FER1L6: variants seen among roughly 807,000 people sequenced by gnomAD.
The protein encoded by FER1L6 is fer-1 like family member 6.
FER1L6 carries 177 observed loss-of-function variants against 219.2 expected under a neutral mutation model. The ratio of observed to expected loss-of-function variants is 0.81; its 90% CI spans 0.71 to 0.91. The LOEUF is 0.91. Ranked by LOEUF, FER1L6 falls within the 40% of genes least tolerant of loss-of-function variation. The pLI, the probability that FER1L6 is intolerant of heterozygous loss-of-function variation, is 0.00. For synonymous variants in FER1L6, 768 were observed against 824.3 expected, an observed-to-expected ratio of 0.93 and a Z score of 1.17; for missense variants, 2,153 against 2,259.9, an observed-to-expected ratio of 0.95 and a Z score of 0.96.
At chr8:124,045,939 T>TA (rs1563763571) in intron 21 of FER1L6, 38 bp downstream of exon 21, 4 of 1,603,462 alleles carry the variant, frequency 2.5e-6, no homozygotes, top group East Asian at 4.5e-5. Context: ...CCACACCTCA[T>TA]AAAAAATGCC....
intron 33 of FER1L6, among the ~76,000 whole-genome samples, chr8:124,086,531 C>T (rs1821792146): frequency 6.7e-6 from 1 of 150,006 alleles, no homozygotes; most frequent in Non-Finnish European, 1.5e-5. Flanking sequence ...GTTGTTTCTA[C>T]TTATATCTTA....
At chr8:124,066,940 A>G (rs1256321843) in intron 27 of FER1L6, among the ~76,000 whole-genome samples, 2 of 152,302 alleles carry the variant, frequency 1.3e-5, no homozygotes, top group Admixed American at 1.3e-4. Flanking sequence ...CCAAGTCTTC[A>G]GCAGGATTCT....
At chr8:123,879,125 C>T (rs142862576) in intron 1 of FER1L6, among the ~76,000 whole-genome samples, 1 of 152,264 alleles carries the variant, frequency 6.6e-6, no homozygotes, top group African/African-American at 2.4e-5. Context: ...CAGCAAGGCT[C>T]CATCTCTACA....
At chr8:124,006,699 A>C (rs1194476205) in intron 13 of FER1L6, among the ~76,000 whole-genome samples, 1 of 151,712 alleles carries the variant, frequency 6.6e-6, no homozygotes, top group African/African-American at 2.4e-5. Context: ...TCATGTGATG[A>C]CCCAAAGTCA....
chr8:123,956,791 G>A (rs1348521397), intron 2 of FER1L6, among the ~76,000 whole-genome samples: 3 of 152,182 alleles, frequency 2.0e-5, no homozygotes, highest in African/African-American at 7.2e-5. Context: ...AGCATGGGAG[G>A]TACACAGCCA....
At chr8:124,043,279 A>G (rs1819584459) in intron 20 of FER1L6, among the ~76,000 whole-genome samples, 8 of 152,200 alleles carry the variant, frequency 5.3e-5, no homozygotes, top group Admixed American at 4.6e-4. Context: ...TTAAATGAGG[A>G]AAACTAAGGT....
intron 37 of FER1L6, among the ~76,000 whole-genome samples, chr8:124,100,379 A>T (rs1226765191): frequency 6.6e-6 from 1 of 152,186 alleles, no homozygotes; most frequent in Non-Finnish European, 1.5e-5. Context: ...TTTAGGCATC[A>T]TCTCATGTGA....
intron 39 of FER1L6, among the ~76,000 whole-genome samples, chr8:124,104,732 T>C (rs535940763): frequency 6.6e-6 from 1 of 152,360 alleles, no homozygotes; most frequent in South Asian, 2.1e-4. Flanking sequence ...TTTAGATGCA[T>C]GATCATATAA....
Position 124,070,515 on chromosome 8 carries a change from G to T in FER1L6, c.3883G>T (p.Val1295Leu). ...ESEFNNFEDW[V>L]KTFELFRGKS... ...TGAATTCAACAATTTTGAAGACTGG[G>T]TGAAAACTTTTGAGCTCTTCAGAGG... is the stretch of plus-strand genomic sequence containing the variant. The change falls in exon 30 of 41, where the codon GTG (valine) becomes TTG (leucine). Residue 1295 changes from valine (V) to leucine (L), a missense_variant. Coordinates refer to ENST00000522917, the MANE Select transcript of FER1L6 (RefSeq NM_001039112.2). The T allele has an allele frequency of 6.2e-7, 1 of 1,613,744 alleles. No homozygotes were observed. Among genetic ancestry groups the T allele is most frequent in the Non-Finnish European group, 8.5e-7 (1 of 1,179,780 alleles).
intron 1 of FER1L6, among the ~76,000 whole-genome samples, chr8:123,926,258 T>C (rs1813557875): frequency 6.6e-6 from 1 of 152,068 alleles, no homozygotes; most frequent in African/African-American, 2.4e-5. Context: ...ATATTGAGTG[T>C]TCTTTGCATG....
rs371507495 is a variant in FER1L6, at chr8:123,915,969, C to T, written c.-7-40023C>T. On this transcript the variant is annotated intron_variant, in intron 1 of 40. Coordinates refer to ENST00000522917, the MANE Select transcript of FER1L6 (RefSeq NM_001039112.2). ...AAGTTCAGTAAAGTATACCCTATGT[C>T]CATTTTGCATATTTTGCTGGTAAAT... is the stretch of plus-strand genomic sequence containing the variant. 6.6e-5 allele frequency among the ~76,000 whole-genome samples: 10 copies of T among 152,240 alleles called. No individual in the cohort carries two copies. In the South Asian group the frequency reaches 1.0e-3, roughly 16 times the overall value.
intron 1 of FER1L6, among the ~76,000 whole-genome samples, chr8:123,923,789 T>C (rs770443372): frequency 1.3e-5 from 2 of 151,930 alleles, no homozygotes; most frequent in Non-Finnish European, 2.9e-5. Context: ...ATACAAAAAT[T>C]AGCTGGGCAT....
intron 1 of FER1L6, among the ~76,000 whole-genome samples, chr8:123,934,000 A>G (rs576557936): frequency 3.3e-5 from 5 of 152,308 alleles, no homozygotes; most frequent in African/African-American, 1.2e-4. Context: ...CATAGACATC[A>G]TAATGCATAA....
intron 31 of FER1L6, among the ~76,000 whole-genome samples, chr8:124,072,794 C>T (rs1821131465): frequency 6.6e-6 from 1 of 152,192 alleles, no homozygotes; most frequent in East Asian, 1.9e-4. Flanking sequence ...CAACATGAAA[C>T]ACCACCCTCA....
intron 32 of FER1L6, among the ~76,000 whole-genome samples, chr8:124,080,069 T>G (rs4460351): frequency 6.6e-6 from 1 of 152,064 alleles, no homozygotes; most frequent in African/African-American, 2.4e-5. Flanking sequence ...AGTAGACACA[T>G]AATAAATGCT....
intron 14 of FER1L6, 120 bp downstream of exon 14, chr8:124,010,834 C>T: frequency 7.2e-7 from 1 of 1,384,276 alleles, no homozygotes; most frequent in Non-Finnish European, 9.8e-7. Flanking sequence ...ATTGAGGATG[C>T]TGCATTTGGA....
At chr8:124,086,411 T>C (rs1394610837) in intron 33 of FER1L6, among the ~76,000 whole-genome samples, 2 of 151,796 alleles carry the variant, frequency 1.3e-5, no homozygotes, top group African/African-American at 4.8e-5. Context: ...ATATAGCCCA[T>C]GATTTTAAGC....
chr8:124,033,855 G>A (rs943924040), intron 18 of FER1L6, among the ~76,000 whole-genome samples: 1 of 152,210 alleles, frequency 6.6e-6, no homozygotes, highest in African/African-American at 2.4e-5. Context: ...TTGCATTTGA[G>A]TAGGTGAAGG....
At chr8:123,889,863 G>A (rs1005671840) in intron 1 of FER1L6, among the ~76,000 whole-genome samples, 10 of 152,200 alleles carry the variant, frequency 6.6e-5, no homozygotes, top group African/African-American at 2.4e-4. Flanking sequence ...GACAGTCCAA[G>A]CATGTTACAG....
Sources: gnomAD v4.1 joint callset for allele counts (sites outside exome capture counted in the v4.1 genomes callset) on GRCh38, gnomAD v4.1.1 for gene constraint, MANE v1.5 for transcripts, NCBI Gene and HGNC (gene_info 2026-07-23, HGNC 2026-07-21) for gene names.